Variants in TBC1D4 observed in about 807,000 individuals in gnomAD.
TBC1D4 encodes the protein TBC (Tre-2, BUB2, CDC16) domain-containing protein.
A neutral mutation model predicts 142.5 loss-of-function variants in TBC1D4; 121 were observed. The observed-to-expected ratio is 0.85, with a 90% confidence interval of 0.73 to 0.99. The LOEUF is 0.99. Ranked by LOEUF, TBC1D4 falls within the 50% of genes least tolerant of loss-of-function variation. The pLI is 0.00. For synonymous variants in TBC1D4, 630 were observed against 628.2 expected (o/e 1.00, Z -0.04); for missense variants, 1,475 against 1,606.6 (o/e 0.92, Z 1.40).
At chr13:75,401,540 C>T (rs1355724047) in intron 1 of TBC1D4, among the ~76,000 whole-genome samples, 1 of 152,218 alleles carries the variant, frequency 6.6e-6, no homozygotes, top group Non-Finnish European at 1.5e-5. Context: ...ACAACCTATT[C>T]TTTCCTATCA....
At chr13:75,318,951 T>C (rs1468796803) in intron 12 of TBC1D4, among the ~76,000 whole-genome samples, 1 of 152,162 alleles carries the variant, frequency 6.6e-6, no homozygotes, top group East Asian at 1.9e-4. Context: ...ATAAAACCTT[T>C]TTGGAGTTCA....
intron 12 of TBC1D4, among the ~76,000 whole-genome samples, chr13:75,315,443 T>C (rs1357486544): frequency 3.4e-5 from 2 of 58,458 alleles, no homozygotes; most frequent in Non-Finnish European, 1.3e-4. Context: ...TATATATATT[T>C]GCTTTTACTT....
chr13:75,410,210 G>A (rs1885575164), intron 1 of TBC1D4, among the ~76,000 whole-genome samples: 1 of 152,226 alleles, frequency 6.6e-6, no homozygotes, highest in African/African-American at 2.4e-5. Context: ...CTCTTTAAAA[G>A]CTTTCCTATA....
rs534306705 is a variant in TBC1D4 at position 75,405,605 on chromosome 13, T to C, written c.499-42998A>G. On this transcript the variant is annotated intron_variant, in intron 1 of 20. Coordinates refer to ENST00000377636, the MANE Select transcript of TBC1D4 (RefSeq NM_014832.5). ...TTTTAAAGTCTAGGGTATGCATCAA[T>C]CTATAACTTCCTGAAAGGATGAAAA... Among the ~76,000 whole-genome samples, 124 of 152,336 alleles carry C rather than the reference T, an allele frequency of 8.1e-4. 1 individual carries two copies. Among genetic ancestry groups the C allele is most frequent in the South Asian group, 6.2e-3 (30 of 4,826 alleles).
At position 75,373,572 on chromosome 13, in the gene TBC1D4, T is replaced by C. The variant is rs563285079; in HGVS notation, c.499-10965A>G. Reference sequence around the variant, plus strand: ...CTCCCCACATAGTAACCATTCATATTGGAGCTCTAAATGCACAACCTCCAA... The same window carrying C: ...CTCCCCACATAGTAACCATTCATATCGGAGCTCTAAATGCACAACCTCCAA... On this transcript the variant is annotated intron_variant, in intron 1 of 20. Transcript: ENST00000377636. Among the ~76,000 whole-genome samples, 12 of 152,348 alleles carry C rather than the reference T, an allele frequency of 7.9e-5. No individual in the cohort carries two copies. The South Asian group carries it at 1.5e-3, about 18-fold the overall frequency.
At chr13:75,288,790 C>G in intron 20 of TBC1D4, 144 bp downstream of exon 20, 5 of 836,150 alleles carry the variant, frequency 6.0e-6, no homozygotes. Context: ...TCATTTGTAG[C>G]CCCAGAGCAC....
At chr13:75,298,749 TCA>T (rs71127530) in intron 17 of TBC1D4, among the ~76,000 whole-genome samples, 2 of 150,460 alleles carry the variant, frequency 1.3e-5, no homozygotes, top group Non-Finnish European at 3.0e-5. Flanking sequence ...CAAGATTCCA[TCA>T]CACACACACA....
intron 1 of TBC1D4, among the ~76,000 whole-genome samples, chr13:75,418,428 A>T (rs1177687480): frequency 6.6e-6 from 1 of 152,152 alleles, no homozygotes; most frequent in African/African-American, 2.4e-5. Flanking sequence ...GCCCTAAAAG[A>T]TAAGTAGGAA....
Position 75,336,803 on chromosome 13 carries a change from T to C in TBC1D4, c.1731+118A>G. The C allele has an allele frequency of 2.4e-6, 3 of 1,258,802 alleles. No individual in the cohort carries two copies. In the South Asian group the frequency reaches 4.2e-5, roughly 17 times the overall value. 78.0% of individuals were successfully genotyped at this position (1,258,802 alleles called of 1,614,324 possible). A position where few individuals can be genotyped will look rare whatever the true frequency, so the allele number is the denominator to read the frequency against. On this transcript the variant is annotated intron_variant, in intron 8 of 20. Transcript: ENST00000377636. ...GTTAAATAATTTTTAAAAGTTATCT[T>C]AGGTTTTTTTTTTGTTTGTTTTTTG...
chr13:75,344,029 C>G (rs1027977978), intron 5 of TBC1D4, among the ~76,000 whole-genome samples: 1 of 151,408 alleles, frequency 6.6e-6, no homozygotes, highest in Non-Finnish European at 1.5e-5. Flanking sequence ...TTAGTAGAGA[C>G]GGAGTTTCAC....
chr13:75,408,958 T>G (rs1407963540), intron 1 of TBC1D4, among the ~76,000 whole-genome samples: 3 of 152,128 alleles, frequency 2.0e-5, no homozygotes, highest in African/African-American at 7.2e-5. Context: ...ACATGTTCTG[T>G]TTACAAGTTC....
In TBC1D4 at chr13:75,288,945, C is replaced by G; in HGVS notation, c.3652G>C (p.Glu1218Gln). ...CTTTATTTCTTTACCTGTAATTTTT[C>G]TAGGAGGTCCATGTTTTGTCTTTTC... Reference protein sequence around the residue: ...QLKRQNMDLLEKLQVAHTKIQ... With the variant: ...QLKRQNMDLLQKLQVAHTKIQ... The change falls in exon 20 of 21, where the codon GAA (glutamate) becomes CAA (glutamine). Residue 1218 changes from glutamate to glutamine, a missense_variant. This residue lies in a region of TBC1D4 where 248 missense variants were observed against 338.9 expected (regional missense o/e 0.73). Transcript: ENST00000377636. The G allele has an allele frequency of 6.2e-7, 1 of 1,613,592 alleles. No individual in the cohort carries two copies. Among genetic ancestry groups the G allele is most frequent in the Non-Finnish European group, 8.5e-7 (1 of 1,179,744 alleles).
chr13:75,310,052 T>A lies in TBC1D4; in HGVS notation c.2483A>T (p.Glu828Val), dbSNP rs1363057289. The change falls in exon 14 of 21, where the codon GAA (glutamate) becomes GTA (valine). Residue 828 changes from glutamate to valine, a missense_variant. Around this residue, in one of 2 missense-constraint regions of TBC1D4, gnomAD observed 1,227 missense variants for 1,267.7 expected, o/e 0.97. Transcript: ENST00000377636. ...VVFLSGEDDPEKIEERKKSKE... is the reference protein window; with the variant it reads ...VVFLSGEDDPVKIEERKKSKE... ...TGATTTCTTTCTTTCTTCAATCTTT[T>A]CTGGGTCATCCTCCCCAGACAGGAA... 3.7e-6 allele frequency: 6 copies of A among 1,614,044 alleles called. No individual in the cohort carries two copies. Among genetic ancestry groups the A allele is most frequent in the East Asian group, 2.2e-5 (1 of 44,886 alleles).
At chr13:75,430,859 T>C (rs1886568591) in intron 1 of TBC1D4, among the ~76,000 whole-genome samples, 1 of 152,294 alleles carries the variant, frequency 6.6e-6, no homozygotes, top group East Asian at 1.9e-4. Context: ...CCTGAGTGTG[T>C]CTGCTCACAT....
chr13:75,283,693 G>C lies in TBC1D4; in HGVS notation c.*3099C>G, dbSNP rs1259143134. ...TATGAGGGGGCCTGGAAAATAAAAG[G>C]GTAGAATGCAAATCTGTCAATGTGG... is the stretch of plus-strand genomic sequence containing the variant. On this transcript the variant is annotated 3_prime_UTR_variant, in exon 21 of 21. Transcript: ENST00000377636. Among the ~76,000 whole-genome samples, 1 of 152,112 alleles carries C rather than the reference G, an allele frequency of 6.6e-6. No homozygotes were observed. The highest frequency in any genetic ancestry group is 2.4e-5 in the African/African-American group (1 of 41,430).
intron 3 of TBC1D4, among the ~76,000 whole-genome samples, chr13:75,358,575 T>C (rs991958824): frequency 3.3e-5 from 5 of 152,108 alleles, no homozygotes; most frequent in Admixed American, 1.3e-4. Flanking sequence ...CTGGCCAGCA[T>C]GGTGGCTCAT....
At chr13:75,438,379 C>T (rs1361774004) in intron 1 of TBC1D4, among the ~76,000 whole-genome samples, 1 of 152,078 alleles carries the variant, frequency 6.6e-6, no homozygotes, top group African/African-American at 2.4e-5. Context: ...CCTGAAATAC[C>T]CACCTTAATA....
intron 1 of TBC1D4, among the ~76,000 whole-genome samples, chr13:75,454,906 T>G (rs1887666222): frequency 6.6e-6 from 1 of 152,214 alleles, no homozygotes; most frequent in South Asian, 2.1e-4. Context: ...GGTGTTAGAT[T>G]CCTCTGTCTA....
At chr13:75,356,321 G>A in intron 3 of TBC1D4, 70 bp from the exon 4 acceptor site, 3 of 1,073,216 alleles carry the variant, frequency 2.8e-6, no homozygotes, top group Non-Finnish European at 4.2e-6. Flanking sequence ...AATATGGAAA[G>A]CAACATCAGT....
Sources: gnomAD v4.1 joint callset for allele counts (sites outside exome capture counted in the v4.1 genomes callset) on GRCh38, gnomAD v4.1.1 for gene constraint, gnomAD v4.1.1 regional missense constraint, MANE v1.5 for transcripts, NCBI Gene and HGNC (gene_info 2026-07-23, HGNC 2026-07-21) for gene names.